SRD5A2: variants seen among roughly 807,000 people sequenced by gnomAD.
SRD5A2 encodes the protein steroid 5 alpha-reductase 2, also known as 3-oxo-5-alpha-steroid 4-dehydrogenase 2.
Under a neutral mutation model 27.4 loss-of-function variants are expected in SRD5A2, and 30 were observed. That is an observed-to-expected ratio of 1.10 (90% CI 0.82 to 1.49). The LOEUF is 1.49. SRD5A2 is among the 40% of genes most tolerant of loss of function. The pLI, the probability that SRD5A2 is intolerant of heterozygous loss-of-function variation, is 0.00. For synonymous variants in SRD5A2, 141 were observed against 133.6 expected (o/e 1.06, Z -0.38); for missense variants, 348 against 323.4 (o/e 1.08, Z -0.58).
At chr2:31,620,476 C>A in the SRD5A2 span, among the ~76,000 whole-genome samples, 2 of 152,036 alleles carry the variant, frequency 1.3e-5, no homozygotes, top group African/African-American at 2.4e-5. Context: ...TGATAAGCAA[C>A]TTCAGCAAAG....
At chr2:31,635,332 C>G in the SRD5A2 span, among the ~76,000 whole-genome samples, 1 of 152,028 alleles carries the variant, frequency 6.6e-6, no homozygotes, top group Non-Finnish European at 1.5e-5. Flanking sequence ...TACCTGTTGG[C>G]CATTTGTATA....
At chr2:31,641,212 T>C in the SRD5A2 span, among the ~76,000 whole-genome samples, 2 of 152,108 alleles carry the variant, frequency 1.3e-5, no homozygotes, top group African/African-American at 4.8e-5. Flanking sequence ...AGACCCTCTA[T>C]ATTTAAACTT....
the SRD5A2 span, among the ~76,000 whole-genome samples, chr2:31,662,581 C>A: frequency 6.6e-6 from 1 of 152,096 alleles, no homozygotes; most frequent in African/African-American, 2.4e-5. Context: ...TCTTGGATTA[C>A]AAGCATGAGA....
At chr2:31,620,137 C>T in the SRD5A2 span, among the ~76,000 whole-genome samples, 1 of 151,824 alleles carries the variant, frequency 6.6e-6, no homozygotes, top group Non-Finnish European at 1.5e-5. Flanking sequence ...ATTCAACATC[C>T]CTTCATGTTA....
the SRD5A2 span, among the ~76,000 whole-genome samples, chr2:31,608,406 T>G: frequency 1.8e-3 from 269 of 151,562 alleles, 3 homozygotes; most frequent in African/African-American, 6.3e-3. Flanking sequence ...TAAAAAATAA[T>G]AGAATAATAC....
intron 1 of SRD5A2, among the ~76,000 whole-genome samples, chr2:31,566,523 C>T (rs1259159299): frequency 6.6e-6 from 1 of 152,086 alleles, no homozygotes; most frequent in Non-Finnish European, 1.5e-5. Flanking sequence ...AGATGAGATC[C>T]TCTCAGATTC....
chr2:31,553,893 G>A (rs1189712971), intron 1 of SRD5A2, among the ~76,000 whole-genome samples: 1 of 152,112 alleles, frequency 6.6e-6, no homozygotes, highest in South Asian at 2.1e-4. Context: ...GGGTTACGGA[G>A]GTTTGGACAA....
intron 1 of SRD5A2, among the ~76,000 whole-genome samples, chr2:31,577,392 C>T (rs181331114): frequency 4.1e-4 from 63 of 152,132 alleles, no homozygotes; most frequent in African/African-American, 1.3e-3. Context: ...TCTGTCTGTA[C>T]GGTTGTTGTA....
the SRD5A2 span, among the ~76,000 whole-genome samples, chr2:31,599,319 A>G: frequency 6.6e-6 from 1 of 152,042 alleles, no homozygotes; most frequent in Non-Finnish European, 1.5e-5. Flanking sequence ...AATCTAATAC[A>G]TATTTATGGA....
the SRD5A2 span, chr2:31,651,404 G>T: frequency 6.9e-5 from 16 of 230,880 alleles, no homozygotes; most frequent in Admixed American, 8.3e-5. Context: ...CAATCTGGAT[G>T]CTGACATGTC....
chr2:31,576,395 A>G (rs1666960381), intron 1 of SRD5A2, among the ~76,000 whole-genome samples: 1 of 44,222 alleles, frequency 2.3e-5, no homozygotes. Context: ...CACATGAAGA[A>G]ATGCTCATCA....
chr2:31,553,758 TA>T (rs1666430153), intron 1 of SRD5A2, among the ~76,000 whole-genome samples: 1 of 152,124 alleles, frequency 6.6e-6, no homozygotes, highest in Non-Finnish European at 1.5e-5. Context: ...AAGCAATATA[TA>T]AATATTAGCT....
the SRD5A2 span, among the ~76,000 whole-genome samples, chr2:31,658,949 G>A: frequency 6.6e-6 from 1 of 152,182 alleles, no homozygotes; most frequent in Non-Finnish European, 1.5e-5. Flanking sequence ...CAACATAGAT[G>A]CAAAAATCTG....
upstream of SRD5A2, among the ~76,000 whole-genome samples, chr2:31,584,736 G>A (rs1027741591): frequency 6.6e-6 from 1 of 152,172 alleles, no homozygotes; most frequent in Non-Finnish European, 1.5e-5. Flanking sequence ...TACTATGGGA[G>A]GTGGAGCAAG....
chr2:31,551,363 A>G (rs1450430917), intron 1 of SRD5A2, among the ~76,000 whole-genome samples: 1 of 152,096 alleles, frequency 6.6e-6, no homozygotes, highest in Admixed American at 6.6e-5. Context: ...CATGCTCCTC[A>G]ACTTACAATG....
chr2:31,593,362 A>G, the SRD5A2 span, among the ~76,000 whole-genome samples: 9 of 152,296 alleles, frequency 5.9e-5, no homozygotes, highest in South Asian at 1.9e-3. Context: ...ACTTCTTGAA[A>G]TAAAAGACAC....
At chr2:31,654,934 G>A in the SRD5A2 span, among the ~76,000 whole-genome samples, 690 of 152,156 alleles carry the variant, frequency 4.5e-3, 4 homozygotes, top group African/African-American at 0.016. Flanking sequence ...ATTATATGTT[G>A]GAAGTTCCAG....
the SRD5A2 span, among the ~76,000 whole-genome samples, chr2:31,628,325 G>A: frequency 2.0e-5 from 3 of 151,944 alleles, no homozygotes; most frequent in South Asian, 4.2e-4. Flanking sequence ...TTGCTTGGTC[G>A]ATTTTTCTTC....
the SRD5A2 span, among the ~76,000 whole-genome samples, chr2:31,638,724 A>T: frequency 1.3e-5 from 2 of 150,486 alleles, no homozygotes; most frequent in African/African-American, 4.9e-5. Context: ...TATTTCATCT[A>T]CATATAGCTA....
Sources: gnomAD v4.1 joint callset for allele counts (sites outside exome capture counted in the v4.1 genomes callset) on GRCh38, gnomAD v4.1.1 for gene constraint, MANE v1.5 for transcripts, NCBI Gene and HGNC (gene_info 2026-07-23, HGNC 2026-07-21) for gene names.